The following TTC28 variants were observed in gnomAD, a reference collection of about 807,000 sequenced individuals.
The protein encoded by TTC28 is tetratricopeptide repeat domain 28.
A neutral mutation model predicts 198.0 loss-of-function variants in TTC28; 61 were observed. The ratio of observed to expected loss-of-function variants is 0.31; its 90% confidence interval spans 0.25 to 0.38. The LOEUF (loss-of-function observed/expected upper bound fraction) is 0.38, where lower values mean the gene tolerates loss of function less well. Among genes scored for constraint, TTC28 ranks in the 10% least tolerant of loss-of-function variants. The probability of loss-of-function intolerance (pLI) is 1.00; values close to 1 mark genes in which losing one functional copy is unlikely to be tolerated. For synonymous variants in TTC28, 1,171 were observed against 1,297.8 expected, an observed-to-expected ratio of 0.90 and a Z score of 2.10; for missense variants, 2,678 against 3,164.0, an observed-to-expected ratio of 0.85 and a Z score of 3.69.
At chr22:28,517,833 C>T (rs2048820358) in intron 2 of TTC28, among the ~76,000 whole-genome samples, 2 of 152,166 alleles carry the variant, frequency 1.3e-5, no homozygotes, top group Admixed American at 1.3e-4. Context: ...CTCTTTACAT[C>T]AATACTTCAT....
chr22:28,357,855 G>A (rs1423962526), intron 2 of TTC28, among the ~76,000 whole-genome samples: 4 of 152,114 alleles, frequency 2.6e-5, no homozygotes, highest in Non-Finnish European at 2.9e-5. Context: ...GCAACACCAC[G>A]CTACACTGGG....
At chr22:28,232,227 G>A (rs1928866757) in intron 5 of TTC28, among the ~76,000 whole-genome samples, 1 of 152,172 alleles carries the variant, frequency 6.6e-6, no homozygotes, top group Non-Finnish European at 1.5e-5. Context: ...TCAATTGAAT[G>A]ATCAATAACG....
chr22:28,357,488 T>G (rs1002307466), intron 2 of TTC28, among the ~76,000 whole-genome samples: 1 of 151,820 alleles, frequency 6.6e-6, no homozygotes, highest in African/African-American at 2.4e-5. Context: ...TTTTTTAACT[T>G]TTTGTAGAGA....
At chr22:28,624,285 G>A (rs1298759050) in intron 2 of TTC28, among the ~76,000 whole-genome samples, 1 of 151,966 alleles carries the variant, frequency 6.6e-6, no homozygotes. Flanking sequence ...GGCTGAGGCA[G>A]GAGAATGGCG....
chr22:28,328,797 ATAAT>A lies in TTC28; in HGVS notation c.382-22158_382-22155del, dbSNP rs1569263339. Among the ~76,000 whole-genome samples, 529 of 105,178 alleles carry A rather than the reference ATAAT, an allele frequency of 5.0e-3. 4 individuals carry two copies. Among genetic ancestry groups the A allele is most frequent in the Admixed American group, 0.025 (290 of 11,770 alleles). The allele number at this position is 105,178 out of a possible 152,430, so 69.0% of individuals were successfully genotyped here. The stretch of plus-strand genomic sequence containing the variant: ...AATAATAATAATAATAATAATAATA[ATAAT>A]AATATGTTCTGAAGAGGTATAAGCT... On this transcript the variant is annotated intron_variant, in intron 2 of 22. Transcript: ENST00000397906.
intron 2 of TTC28, among the ~76,000 whole-genome samples, chr22:28,537,341 A>ACT (rs1433014152): frequency 2.1e-5 from 3 of 140,900 alleles, no homozygotes; most frequent in East Asian, 4.2e-4. Flanking sequence ...AATAAAATAA[A>ACT]AACAAGAATA....
chr22:28,368,585 T>C (rs2046283197), intron 2 of TTC28, among the ~76,000 whole-genome samples: 1 of 151,970 alleles, frequency 6.6e-6, no homozygotes, highest in Non-Finnish European at 1.5e-5. Context: ...GCATCCATAC[T>C]AAAACAGAAA....
chr22:28,501,855 T>C (rs1317610113), intron 2 of TTC28, among the ~76,000 whole-genome samples: 1 of 152,214 alleles, frequency 6.6e-6, no homozygotes, highest in Non-Finnish European at 1.5e-5. Context: ...AAATATACTT[T>C]TTAAAAATCA....
chr22:28,136,952 C>T (rs1275982659), intron 6 of TTC28, among the ~76,000 whole-genome samples: 1 of 152,174 alleles, frequency 6.6e-6, no homozygotes, highest in African/African-American at 2.4e-5. Context: ...GGATGGACTG[C>T]TGAGGTTCCA....
intron 6 of TTC28, among the ~76,000 whole-genome samples, chr22:28,123,251 T>G (rs1334779100): frequency 1.3e-5 from 2 of 151,632 alleles, no homozygotes; most frequent in Non-Finnish European, 2.9e-5. Flanking sequence ...TTTTTTTTTT[T>G]GTTTGTTTGT....
intron 2 of TTC28, among the ~76,000 whole-genome samples, chr22:28,390,352 A>G (rs2046695450): frequency 6.6e-6 from 1 of 152,118 alleles, no homozygotes; most frequent in Non-Finnish European, 1.5e-5. Flanking sequence ...GTAGTTGTCT[A>G]TTAGGTCCAC....
At chr22:27,994,988 T>C (rs1040366453) in intron 17 of TTC28, among the ~76,000 whole-genome samples, 1 of 152,154 alleles carries the variant, frequency 6.6e-6, no homozygotes, top group African/African-American at 2.4e-5. Context: ...GGGGGCACGC[T>C]GGGGGCTTGC....
chr22:28,313,967 C>T (rs192998569), intron 2 of TTC28, among the ~76,000 whole-genome samples: 3 of 152,308 alleles, frequency 2.0e-5, no homozygotes, highest in Admixed American at 2.0e-4. Context: ...AAAACCCCAA[C>T]ATCTCAGCCC....
chr22:28,625,268 C>G (rs930091415), intron 2 of TTC28, among the ~76,000 whole-genome samples: 4 of 152,076 alleles, frequency 2.6e-5, no homozygotes, highest in African/African-American at 9.7e-5. Flanking sequence ...AAGGAAGAAG[C>G]AGAATTGTGA....
At chr22:28,327,187 A>T (rs1014878734) in intron 2 of TTC28, among the ~76,000 whole-genome samples, 3 of 152,206 alleles carry the variant, frequency 2.0e-5, no homozygotes. Context: ...ACTAGACATA[A>T]ATAATGAATA....
intron 2 of TTC28, among the ~76,000 whole-genome samples, chr22:28,405,529 A>T (rs1457769378): frequency 2.0e-5 from 3 of 152,228 alleles, no homozygotes; most frequent in Non-Finnish European, 4.4e-5. Flanking sequence ...GGAAGAAGAG[A>T]TCCATTTCAA....
At chr22:28,262,677 CA>C (rs1345233259) in intron 5 of TTC28, among the ~76,000 whole-genome samples, 2 of 152,098 alleles carry the variant, frequency 1.3e-5, no homozygotes, top group African/African-American at 4.8e-5. Context: ...ACTAAACTGA[CA>C]GATCTAGGAG....
intron 5 of TTC28, among the ~76,000 whole-genome samples, chr22:28,230,662 G>T (rs1358471508): frequency 2.0e-5 from 3 of 152,174 alleles, no homozygotes; most frequent in Non-Finnish European, 2.9e-5. Flanking sequence ...AGGTTCGAGA[G>T]AAATAGGATA....
At chr22:28,530,025 G>C (rs748657515) in intron 2 of TTC28, among the ~76,000 whole-genome samples, 2 of 152,314 alleles carry the variant, frequency 1.3e-5, no homozygotes, top group Non-Finnish European at 2.9e-5. Context: ...GAAGCTCCTC[G>C]CCAGCAACGG....
Sources: gnomAD v4.1 joint callset for allele counts (sites outside exome capture counted in the v4.1 genomes callset) on GRCh38, gnomAD v4.1.1 for gene constraint, MANE v1.5 for transcripts, NCBI Gene and HGNC (gene_info 2026-07-23, HGNC 2026-07-21) for gene names.